The following PBRM1 variants were observed in gnomAD, a reference collection of about 807,000 sequenced individuals.
PBRM1 encodes polybromo 1.
Under a neutral mutation model 194.5 loss-of-function variants are expected in PBRM1, and 27 were observed. That is an observed-to-expected ratio of 0.14 (90% CI 0.10 to 0.19). The LOEUF (loss-of-function observed/expected upper bound fraction) is 0.19, where lower values mean the gene tolerates loss of function less well. Ranked by LOEUF, PBRM1 falls within the 10% of genes least tolerant of loss-of-function variation. PBRM1 has a pLI of 1.00. For missense variants in PBRM1, 1,466 were observed against 2,077.2 expected (o/e 0.71, Z 5.72); for synonymous variants, 655 against 693.2 (o/e 0.94, Z 0.87).
intron 7 of PBRM1, among the ~76,000 whole-genome samples, chr3:52,646,177 C>T (rs1044688228): frequency 4.6e-5 from 7 of 152,104 alleles, no homozygotes; most frequent in Non-Finnish European, 8.8e-5. Context: ...ATAGTTCATT[C>T]CTGATTTTCT....
intron 5 of PBRM1, among the ~76,000 whole-genome samples, chr3:52,652,020 G>A (rs2096508572): frequency 2.0e-5 from 3 of 152,178 alleles, no homozygotes; most frequent in Admixed American, 2.0e-4. Context: ...CCAACAGCAT[G>A]ACTTAGGAGT....
chr3:52,558,578 T>C (rs910938292), intron 25 of PBRM1, among the ~76,000 whole-genome samples, 165 bp from the exon 28 acceptor site: 6 of 152,218 alleles, frequency 3.9e-5, no homozygotes, highest in African/African-American at 7.2e-5. Flanking sequence ...CCGATTTCAC[T>C]TGGTAACCTA....
In PBRM1 at chr3:52,673,646, TG is replaced by T. The variant is rs558185225; in HGVS notation, c.236+4853del. 4.3e-3 allele frequency among the ~76,000 whole-genome samples: 523 copies of T among 120,320 alleles called. 2 individuals carry two copies. The highest frequency in any genetic ancestry group is 0.022 in the South Asian group (86 of 3,858). 78.9% of individuals were successfully genotyped at this position (120,320 alleles called of 152,430 possible). On this transcript the variant is annotated intron_variant, in intron 2 of 29. Transcript: ENST00000296302. ...AAGACTGTGCCACTGCACTCCAGCC[TG>T]GGCAACAGAGTGGGACTCCATCTCA...
intron 3 of PBRM1, among the ~76,000 whole-genome samples, chr3:52,663,217 T>C (rs188844857): frequency 1.3e-5 from 2 of 152,308 alleles, no homozygotes; most frequent in Admixed American, 1.3e-4. Context: ...CATTTATTTA[T>C]GATAAAACCA....
At chr3:52,680,629 T>C (rs963400803), upstream of PBRM1, among the ~76,000 whole-genome samples, 3 of 152,122 alleles carry the variant, frequency 2.0e-5, no homozygotes, top group African/African-American at 7.2e-5. Flanking sequence ...TATCAAATAG[T>C]ATATTGTGAT....
At chr3:52,656,418 C>T (rs2096608183) in intron 5 of PBRM1, among the ~76,000 whole-genome samples, 1 of 152,200 alleles carries the variant, frequency 6.6e-6, no homozygotes, top group Non-Finnish European at 1.5e-5. Context: ...AATCCCAGCA[C>T]TCTGGGAGGC....
At chr3:52,668,869 A>C (rs999240139) in intron 2 of PBRM1, among the ~76,000 whole-genome samples, 16 of 152,068 alleles carry the variant, frequency 1.1e-4, no homozygotes, top group African/African-American at 3.1e-4. Context: ...AACATACGTT[A>C]ATGATATAAA....
intron 12 of PBRM1, among the ~76,000 whole-genome samples, chr3:52,628,019 T>C (rs1397755418): frequency 1.1e-4 from 17 of 152,192 alleles, no homozygotes; most frequent in African/African-American, 3.1e-4. Flanking sequence ...AACTGTCAGA[T>C]AGACCCAATT....
exon 11 of PBRM1, chr3:52,634,662 T>C (rs2095739967): frequency 6.2e-7 from 1 of 1,613,700 alleles, no homozygotes; most frequent in East Asian, 2.2e-5. Flanking sequence ...GTATTTTTTC[T>C]TTGAAGGCAA....
Position 52,666,659 on chromosome 3 carries a change from G to A in PBRM1, c.384+1839C>T, listed in dbSNP as rs185049766. Among the ~76,000 whole-genome samples, 5 of 152,318 alleles carry A rather than the reference G, an allele frequency of 3.3e-5. No homozygotes were observed. In the East Asian group the frequency reaches 9.6e-4, roughly 29 times the overall value. On this transcript the variant is annotated intron_variant, in intron 3 of 29. Coordinates refer to ENST00000296302, the Ensembl canonical transcript of PBRM1. ...GTAATCCCAGCACTTGGGAGACCGA[G>A]GCGGGTCAATCGCTTGAGCCCAGGA...
chr3:52,551,373 G>C (rs1356783889), intron 27 of PBRM1, among the ~76,000 whole-genome samples: 1 of 152,190 alleles, frequency 6.6e-6, no homozygotes, highest in East Asian at 1.9e-4. Context: ...GGCAGGGAGA[G>C]AACACTTCCA....
rs187658909 is a variant in PBRM1 at position 52,652,150 on chromosome 3, G to A, written c.646-340C>T. On this transcript the variant is annotated intron_variant, in intron 5 of 29. Coordinates refer to ENST00000296302, the Ensembl canonical transcript of PBRM1. ...TGCAATCCCAGCACTTTGGGAGGCC[G>A]AGGCAGGTGGATCACCTGAGGTCAG... 7.2e-3 allele frequency among the ~76,000 whole-genome samples: 1,097 copies of A among 152,246 alleles called. 11 individuals are homozygous for A. Among genetic ancestry groups the A allele is most frequent in the African/African-American group, 0.025 (1,035 of 41,536 alleles).
At chr3:52,677,937 T>C (rs2097141120) in intron 2 of PBRM1, among the ~76,000 whole-genome samples, 1 of 152,124 alleles carries the variant, frequency 6.6e-6, no homozygotes, top group Admixed American at 6.5e-5. Flanking sequence ...GTGACACTCA[T>C]GGCTTACTGC....
intron 24 of PBRM1, among the ~76,000 whole-genome samples, chr3:52,562,344 AT>A (rs1340295163): frequency 0.011 from 1,150 of 103,784 alleles, 16 homozygotes; most frequent in African/African-American, 0.039. Context: ...AAAAAAAAAA[AT>A]TTTTCAGAAG....
At chr3:52,575,508 C>CTTTTTTTTTTTTT (rs1177139118) in intron 22 of PBRM1, among the ~76,000 whole-genome samples, 1 of 87,138 alleles carries the variant, frequency 1.1e-5, no homozygotes, top group African/African-American at 4.9e-5. Context: ...AATCAATTGT[C>CTTTTTTTTTTTTT]TTTTTTTTTT....
chr3:52,659,777 C>T lies in PBRM1; in HGVS notation c.529-1462G>A, dbSNP rs1427475217. Among the ~76,000 whole-genome samples the T allele has an allele frequency of 4.6e-5, 7 of 152,238 alleles. No individual in the cohort carries two copies. The East Asian group carries it at 1.2e-3, about 25-fold the overall frequency. Reference sequence around the variant, plus strand: ...GAAACCTGAAAATTTCTTCTCCCTCCATGAGAATCATTGAGTTATAAAGAG... The same window carrying T: ...GAAACCTGAAAATTTCTTCTCCCTCTATGAGAATCATTGAGTTATAAAGAG... On this transcript the variant is annotated intron_variant, in intron 4 of 29. Transcript: ENST00000296302.
chr3:52,645,330 CTTT>C (rs556861073), intron 7 of PBRM1, among the ~76,000 whole-genome samples: 2 of 141,288 alleles, frequency 1.4e-5, no homozygotes, highest in Non-Finnish European at 1.6e-5. Context: ...TTCTTTCTTT[CTTT>C]TTTTTTTTTG....
chr3:52,659,947 C>T (rs552809421), intron 4 of PBRM1, among the ~76,000 whole-genome samples: 3 of 152,260 alleles, frequency 2.0e-5, no homozygotes, highest in African/African-American at 4.8e-5. Context: ...CAAAAATTAG[C>T]TGGTGTGGTG....
chr3:52,594,225 G>T (rs2093364251), intron 17 of PBRM1, among the ~76,000 whole-genome samples: 1 of 152,092 alleles, frequency 6.6e-6, no homozygotes, highest in Admixed American at 6.6e-5. Flanking sequence ...CTCTCTGAAG[G>T]TCTCTAAGAA....
Sources: gnomAD v4.1 joint callset for allele counts (sites outside exome capture counted in the v4.1 genomes callset) on GRCh38, gnomAD v4.1.1 for gene constraint, MANE v1.5 for transcripts, NCBI Gene and HGNC (gene_info 2026-07-23, HGNC 2026-07-21) for gene names.